PLAGL1: variants seen among roughly 807,000 people sequenced by gnomAD.
The protein encoded by PLAGL1 is zinc finger protein PLAGL1.
In PLAGL1, 1 loss-of-function variant was observed where a neutral mutation model predicts 4.6. The observed-to-expected ratio is 0.22, with a 90% CI of 0.08 to 1.03. The LOEUF is 1.03. PLAGL1 is among the 50% of genes least tolerant of loss of function. The pLI is 0.58. For missense variants in PLAGL1, 464 were observed against 570.4 expected, an observed-to-expected ratio of 0.81 and a Z score of 1.90; for synonymous variants, 240 against 237.8, an observed-to-expected ratio of 1.01 and a Z score of -0.08.
chr6:143,942,563 C>T lies in PLAGL1; in HGVS notation c.253G>A (p.Asp85Asn), dbSNP rs753068252. 2.5e-6 allele frequency: 4 copies of T among 1,614,024 alleles called. No individual in the cohort carries two copies. The highest frequency in any genetic ancestry group is 1.1e-5 in the South Asian group (1 of 91,074). The change falls in exon 8 of 8, where the codon GAC becomes AAC. Residue 85 changes from aspartate (D) to asparagine (N), a missense_variant. Coordinates refer to ENST00000674357, the MANE Select transcript of PLAGL1 (RefSeq NM_001317162.2). This position sits in a 1 kb window ranked among gnomAD's most constrained non-coding sequence, Gnocchi z 7.6. Reference sequence around the variant, plus strand: ...CACCCAAAGGCCATTTTGTTGGGGTCGTGGGTCTGGAGGTGGTTTTTCAGG... The same window carrying T: ...CACCCAAAGGCCATTTTGTTGGGGTTGTGGGTCTGGAGGTGGTTTTTCAGG... The part of the protein sequence containing the change: ...DHLKNHLQTH[D>N]PNKMAFGCEE...
At chr6:144,043,707 G>T (rs567307790) in intron 1 of PLAGL1, among the ~76,000 whole-genome samples, 11 of 152,212 alleles carry the variant, frequency 7.2e-5, no homozygotes, top group African/African-American at 2.4e-4. Flanking sequence ...GAGTTAGGGA[G>T]GATTCCCTCT....
intron 1 of PLAGL1, among the ~76,000 whole-genome samples, chr6:144,024,689 G>C (rs1796216066): frequency 6.6e-6 from 1 of 152,108 alleles, no homozygotes; most frequent in African/African-American, 2.4e-5. Flanking sequence ...CTGAATACCA[G>C]AAAGTAAGGA....
Position 144,000,105 on chromosome 6 carries a change from G to A in PLAGL1, c.-584+7985C>T, listed in dbSNP as rs150812664. On this transcript the variant is annotated intron_variant, in intron 1 of 7. Transcript: ENST00000674357. The surrounding 1 kb of genome is among the most constrained non-coding windows in gnomAD (Gnocchi z 4.1). ...CTTAATAAAATCCAATACAATTCATGATATAAAACTCTTAGAGAACTAGAA... is the reference window on the plus strand; with the variant it reads ...CTTAATAAAATCCAATACAATTCATAATATAAAACTCTTAGAGAACTAGAA... 2.1e-3 allele frequency among the ~76,000 whole-genome samples: 325 copies of A among 152,226 alleles called. 2 individuals are homozygous for A. The highest frequency in any genetic ancestry group is 7.7e-3 in the African/African-American group (318 of 41,540).
At chr6:144,011,831 G>C (rs192917142), upstream of PLAGL1, among the ~76,000 whole-genome samples, 1 of 152,156 alleles carries the variant, frequency 6.6e-6, no homozygotes, top group Non-Finnish European at 1.5e-5. This position sits in a 1 kb window ranked among gnomAD's most constrained non-coding sequence, Gnocchi z 4.3. Context: ...AACATCCCAT[G>C]CCTCAGAGTT....
chr6:143,999,408 C>T (rs1792355074), intron 1 of PLAGL1, among the ~76,000 whole-genome samples: 1 of 152,190 alleles, frequency 6.6e-6, no homozygotes, highest in Non-Finnish European at 1.5e-5. Context: ...ATATGGAAAT[C>T]TCCATACACA....
intron 1 of PLAGL1, among the ~76,000 whole-genome samples, chr6:143,996,740 T>G (rs1791708945): frequency 1.3e-5 from 2 of 149,260 alleles, no homozygotes; most frequent in African/African-American, 4.9e-5. Flanking sequence ...CAGACACACA[T>G]ACTCAGGCAC....
rs1562508424 is a variant in PLAGL1 at position 143,989,348 on chromosome 6, C to A, written c.-583-4174G>T. The stretch of plus-strand genomic sequence containing the variant: ...AACATTATTTCTGGCTACGTCCATG[C>A]AGGTATTTCTGGATGAAATCAACAC... On this transcript the variant is annotated intron_variant, in intron 1 of 7. Coordinates refer to ENST00000674357, the MANE Select transcript of PLAGL1 (RefSeq NM_001317162.2). This position sits in a 1 kb window ranked among gnomAD's most constrained non-coding sequence, Gnocchi z 4.8. Among the ~76,000 whole-genome samples the A allele has an allele frequency of 6.6e-6, 1 of 152,226 alleles. No individual in the cohort carries two copies. Among genetic ancestry groups the A allele is most frequent in the South Asian group, 2.1e-4 (1 of 4,826 alleles).
At chr6:144,047,913 TC>T (rs1431547467) in intron 1 of PLAGL1, among the ~76,000 whole-genome samples, 6 of 152,096 alleles carry the variant, frequency 3.9e-5, no homozygotes, top group Non-Finnish European at 1.5e-5. Context: ...ACAAGGCAAC[TC>T]CCTTCCTCCT....
Position 143,941,627 on chromosome 6 carries a change from T to C in PLAGL1, c.1189A>G (p.Thr397Ala), listed in dbSNP as rs751709706. The C allele has an allele frequency of 5.6e-5, 91 of 1,613,628 alleles. No homozygotes were observed. Among genetic ancestry groups the C allele is most frequent in the Non-Finnish European group, 7.5e-5 (89 of 1,179,862 alleles). ...WQLPPPATQNTFGNSTLALGP... is the reference protein window; with the variant it reads ...WQLPPPATQNAFGNSTLALGP... ...AGGGCAAGAGTGCTATTCCCAAAGG[T>C]ATTTTGGGTAGCAGGAGGGGGCAGC... The change falls in exon 8 of 8, where the codon ACC (threonine) becomes GCC (alanine). Residue 397 changes from threonine (T) to alanine (A), a missense_variant. By Grantham distance (58) the Thr-to-Ala change is moderately conservative. Around this residue, in one of 4 missense-constraint regions of PLAGL1, gnomAD observed 248 missense variants for 250.1 expected, o/e 0.99. Transcript: ENST00000674357. The surrounding 1 kb of genome is among the most constrained non-coding windows in gnomAD (Gnocchi z 6.0).
chr6:143,964,897 C>A lies in PLAGL1; in HGVS notation c.-430-79G>T, dbSNP rs2128564128. ...GAATTGCTAAAACAAACAAAAACAC[C>A]CAAGTGGGGGGGGAACGGAAGTCTA... is the stretch of plus-strand genomic sequence containing the variant. On this transcript the variant is annotated intron_variant, in intron 4 of 7. Coordinates refer to ENST00000674357, the MANE Select transcript of PLAGL1 (RefSeq NM_001317162.2). This position sits in a 1 kb window ranked among gnomAD's most constrained non-coding sequence, Gnocchi z 4.3. The A allele has an allele frequency of 6.6e-6, 1 of 152,138 alleles. No homozygotes were observed. The highest frequency in any genetic ancestry group is 1.9e-4 in the East Asian group (1 of 5,166). 9.4% of individuals were successfully genotyped at this position (152,138 alleles called of 1,614,324 possible). A position where few individuals can be genotyped will look rare whatever the true frequency, so the allele number is the denominator to read the frequency against.
In PLAGL1 at chr6:143,941,550, C is replaced by T. The variant is rs776397265; in HGVS notation, c.1266G>A (p.Gln422=). Residue 422 remains glutamine, a synonymous_variant, in exon 8 of 8, where the codon CAG becomes CAA. Transcript: ENST00000674357. The surrounding 1 kb of genome is among the most constrained non-coding windows in gnomAD (Gnocchi z 6.0). ...PHRLSCLGQQ[Q]QEPPLAMGTV... ...TGCCCATGGCAAGTGGGGGTTCTTG[C>T]TGCTGCTGCCCCAGACAGCTTAACC... The T allele has an allele frequency of 1.3e-6, 2 of 1,568,752 alleles. No individual in the cohort carries two copies. Among genetic ancestry groups the T allele is most frequent in the African/African-American group, 1.4e-5 (1 of 73,828 alleles).
chr6:143,962,106 TC>T lies in PLAGL1; in HGVS notation c.-398-1565del, dbSNP rs1783505389. ...GGAGGAGATCAAATCCCTCAGCTTT[TC>T]CCACCTGCCATCTCTGCGCCAGTCT... On this transcript the variant is annotated intron_variant, in intron 5 of 7. Coordinates refer to ENST00000674357, the MANE Select transcript of PLAGL1 (RefSeq NM_001317162.2). The surrounding 1 kb of genome is among the most constrained non-coding windows in gnomAD (Gnocchi z 5.3). 6.6e-6 allele frequency among the ~76,000 whole-genome samples: 1 copy of T among 152,178 alleles called. No individual in the cohort carries two copies. Among genetic ancestry groups the T allele is most frequent in the Admixed American group, 6.5e-5 (1 of 15,290 alleles).
In PLAGL1 at chr6:143,948,038, C is replaced by T. The variant is rs377168292; in HGVS notation, c.99G>A (p.Lys33=). 6.2e-7 allele frequency: 1 copy of T among 1,613,998 alleles called. No individual in the cohort carries two copies. The change falls in exon 7 of 8, where the codon AAG becomes AAA. Residue 33 remains lysine, a synonymous_variant. Transcript: ENST00000674357. The surrounding 1 kb of genome is among the most constrained non-coding windows in gnomAD (Gnocchi z 6.0). ...CTTTGCCACAGTCAGGCTGCACACA[C>T]TTGTACGGCCGCTCCCTGGAGTGGG... ...NYSHSRERPY[K]CVQPDCGKAF... is the part of the protein sequence containing the mutation.
At chr6:144,037,885 T>G (rs1451677875) in intron 1 of PLAGL1, among the ~76,000 whole-genome samples, 1 of 152,248 alleles carries the variant, frequency 6.6e-6, no homozygotes, top group Non-Finnish European at 1.5e-5. Context: ...CTGCTTTGAT[T>G]CATTGTTCAG....
At chr6:144,045,236 C>G (rs1798052606) in intron 1 of PLAGL1, among the ~76,000 whole-genome samples, 1 of 151,992 alleles carries the variant, frequency 6.6e-6, no homozygotes, top group African/African-American at 2.4e-5. Context: ...ATGATGTTAG[C>G]TGGTTGTTTT....
chr6:144,062,145 A>G (rs1254538856), intron 1 of PLAGL1, among the ~76,000 whole-genome samples: 1 of 152,180 alleles, frequency 6.6e-6, no homozygotes, highest in Non-Finnish European at 1.5e-5. Flanking sequence ...TGGGAGATGA[A>G]GGCGGGCAGA....
chr6:144,030,115 C>T (rs1250579616), intron 1 of PLAGL1, among the ~76,000 whole-genome samples: 3 of 151,496 alleles, frequency 2.0e-5, no homozygotes, highest in Non-Finnish European at 4.4e-5. Flanking sequence ...ATTAGCCGGG[C>T]GTGGTGGCAG....
Position 144,004,248 on chromosome 6 carries a change from C to G in PLAGL1, c.-584+3842G>C, listed in dbSNP as rs1037827389. 6.6e-6 allele frequency among the ~76,000 whole-genome samples: 1 copy of G among 151,700 alleles called. No homozygotes were observed. The highest frequency in any genetic ancestry group is 2.4e-5 in the African/African-American group (1 of 41,246). On this transcript the variant is annotated intron_variant, in intron 1 of 7. Transcript: ENST00000674357. This position sits in a 1 kb window ranked among gnomAD's most constrained non-coding sequence, Gnocchi z 4.2. The stretch of plus-strand genomic sequence containing the variant: ...CCAGGCTGCAGTGCAGTGGCATGAT[C>G]GTAGTTCACTGTAAGCTCGAACTCC...
intron 1 of PLAGL1, among the ~76,000 whole-genome samples, chr6:144,021,963 G>A (rs543650445): frequency 4.6e-5 from 7 of 152,238 alleles, no homozygotes; most frequent in Admixed American, 3.3e-4. Context: ...ACCCAGAAAG[G>A]CTGACTAGAA....
Sources: gnomAD v4.1 joint callset for allele counts (sites outside exome capture counted in the v4.1 genomes callset) on GRCh38, gnomAD v4.1.1 for gene constraint, gnomAD v4.1.1 regional missense constraint, Gnocchi (gnomAD v3.1) non-coding constraint, MANE v1.5 for transcripts, NCBI Gene and HGNC (gene_info 2026-07-23, HGNC 2026-07-21) for gene names.